Variants in MTA3 observed in about 807,000 individuals in gnomAD.
MTA3 encodes the protein metastasis associated 1 family member 3, also known as metastasis-associated protein MTA3.
MTA3 carries 34 observed loss-of-function variants against 83.5 expected under a neutral mutation model. That is an observed-to-expected ratio of 0.41 (90% CI 0.31 to 0.54). The LOEUF (loss-of-function observed/expected upper bound fraction) is 0.54, where lower values mean the gene tolerates loss of function less well. Ranked by LOEUF, MTA3 falls within the 20% of genes least tolerant of loss-of-function variation. MTA3 has a pLI of 0.33. For synonymous variants in MTA3, 303 were observed against 252.7 expected (o/e 1.20, Z -1.89); for missense variants, 761 against 726.4 (o/e 1.05, Z -0.55).
chr2:42,532,441 C>T (rs932945831), intron 2 of MTA3, among the ~76,000 whole-genome samples: 1 of 152,160 alleles, frequency 6.6e-6, no homozygotes, highest in African/African-American at 2.4e-5. Flanking sequence ...ACCCGGAAGG[C>T]AGAGGTTGCA....
At chr2:42,531,812 A>G (rs978563174) in intron 2 of MTA3, among the ~76,000 whole-genome samples, 1 of 150,460 alleles carries the variant, frequency 6.6e-6, no homozygotes, top group African/African-American at 2.5e-5. Flanking sequence ...GCTGGAGTGC[A>G]GTGGCACAAT....
At chr2:42,607,881 A>G (rs113616809) in intron 3 of MTA3, among the ~76,000 whole-genome samples, 4 of 152,232 alleles carry the variant, frequency 2.6e-5, no homozygotes, top group African/African-American at 7.2e-5. Context: ...AACCCGGGAG[A>G]TGGAGGTTGC....
chr2:42,597,921 A>G (rs1333773059), intron 3 of MTA3, among the ~76,000 whole-genome samples: 1 of 151,982 alleles, frequency 6.6e-6, no homozygotes, highest in Non-Finnish European at 1.5e-5. Context: ...GGGTGAAGCG[A>G]TCTGCCCACT....
At chr2:42,722,849 T>C (rs1667524453) in intron 15 of MTA3, 40 bp from the exon 16 acceptor site, 2 of 1,546,730 alleles carry the variant, frequency 1.3e-6, no homozygotes, top group Non-Finnish European at 1.7e-6. Context: ...AGATTTTTAA[T>C]ATCATGTTCT....
chr2:42,753,370 C>G lies in MTA3; in HGVS notation c.1760-4C>G, dbSNP rs565912880. 1 of 1,550,614 alleles carries G rather than the reference C, an allele frequency of 6.4e-7. No homozygotes were observed. The highest frequency in any genetic ancestry group is 2.4e-5 in the East Asian group (1 of 40,922). On this transcript the variant is annotated splice_region_variant and splice_polypyrimidine_tract_variant and intron_variant, in intron 16 of 16. Coordinates refer to ENST00000405094, the MANE Select transcript of MTA3 (RefSeq NM_001330442.2). ...ACCTTCACACTGTTACTTCCCTTTTCTAGAACTCACGTGCTGTGTGTCAGA... is the reference window on the plus strand; with the variant it reads ...ACCTTCACACTGTTACTTCCCTTTTGTAGAACTCACGTGCTGTGTGTCAGA...
intron 3 of MTA3, among the ~76,000 whole-genome samples, chr2:42,607,884 G>A (rs1171214691): frequency 6.6e-6 from 1 of 152,212 alleles, no homozygotes; most frequent in Non-Finnish European, 1.5e-5. Flanking sequence ...CCGGGAGATG[G>A]AGGTTGCAGT....
chr2:42,604,837 C>T (rs1425360181), intron 3 of MTA3, among the ~76,000 whole-genome samples: 5 of 149,022 alleles, frequency 3.4e-5, no homozygotes, highest in South Asian at 4.4e-4. Flanking sequence ...CATATTGCAC[C>T]GCCCTTAATC....
intron 2 of MTA3, among the ~76,000 whole-genome samples, chr2:42,528,489 G>A (rs1163581430): frequency 2.0e-5 from 3 of 152,194 alleles, no homozygotes; most frequent in African/African-American, 7.2e-5. Context: ...CAAAGTGCTG[G>A]GATTACAGGC....
At chr2:42,691,470 A>G (rs1189897859) in intron 9 of MTA3, among the ~76,000 whole-genome samples, 1 of 152,092 alleles carries the variant, frequency 6.6e-6, no homozygotes, top group African/African-American at 2.4e-5. Context: ...GTCTTATTGT[A>G]CTATGTTTTG....
At chr2:42,565,036 A>G (rs913371080), upstream of MTA3, among the ~76,000 whole-genome samples, 14 of 152,106 alleles carry the variant, frequency 9.2e-5, no homozygotes, top group East Asian at 2.3e-3. Flanking sequence ...TCGGCCTCCC[A>G]AAGTGCTGGG....
At chr2:42,604,680 A>T (rs1420531543) in intron 3 of MTA3, among the ~76,000 whole-genome samples, 28 of 134,122 alleles carry the variant, frequency 2.1e-4, no homozygotes, top group African/African-American at 8.0e-4. Flanking sequence ...AGGTCAGCAG[A>T]TAAGCAAGTG....
chr2:42,731,298 T>C (rs1170410806), intron 16 of MTA3, among the ~76,000 whole-genome samples: 1 of 152,240 alleles, frequency 6.6e-6, no homozygotes, highest in Non-Finnish European at 1.5e-5. Flanking sequence ...GATTAGGTTA[T>C]ATGAAGTATT....
chr2:42,514,678 GC>G (rs1490413701), intron 2 of MTA3, among the ~76,000 whole-genome samples: 4 of 48,994 alleles, frequency 8.2e-5, no homozygotes, highest in Non-Finnish European at 7.8e-5. Context: ...TGAGCGCCCA[GC>G]CCCTTTTTTT....
intron 4 of MTA3, among the ~76,000 whole-genome samples, chr2:42,627,883 CTTTTG>C (rs200032745): frequency 4.0e-5 from 6 of 151,046 alleles, no homozygotes; most frequent in Non-Finnish European, 7.4e-5. Flanking sequence ...CTGCCAGGTT[CTTTTG>C]TTTTGTTTTG....
At chr2:42,594,723 TA>T (rs1267400804) in intron 3 of MTA3, among the ~76,000 whole-genome samples, 822 of 42,018 alleles carry the variant, frequency 0.02, 40 homozygotes, top group African/African-American at 0.13. Context: ...TATATATATA[TA>T]TATATTTTTT....
intron 8 of MTA3, among the ~76,000 whole-genome samples, chr2:42,661,293 G>A (rs2104376659): frequency 6.6e-6 from 1 of 152,142 alleles, no homozygotes; most frequent in African/African-American, 2.4e-5. Flanking sequence ...GAGCTCAGGA[G>A]TTTGATACCA....
chr2:42,605,372 C>T (rs1222607547), intron 3 of MTA3, among the ~76,000 whole-genome samples: 3 of 28,048 alleles, frequency 1.1e-4, no homozygotes, highest in Non-Finnish European at 1.8e-4. Context: ...CCGGACGGGG[C>T]GGCTGGCCGG....
intron 8 of MTA3, among the ~76,000 whole-genome samples, chr2:42,661,129 C>G (rs1419434431): frequency 1.3e-5 from 2 of 152,088 alleles, no homozygotes; most frequent in Non-Finnish European, 2.9e-5. Context: ...AATATTTTAC[C>G]CCAAATTTTA....
intron 3 of MTA3, chr2:42,581,757 GTATTT>G (rs1160550513): frequency 1.4e-5 from 4 of 290,028 alleles, no homozygotes; most frequent in South Asian, 5.9e-5. Context: ...ATTTTAAAAA[GTATTT>G]TATTTTATTT....
Sources: gnomAD v4.1 joint callset for allele counts (sites outside exome capture counted in the v4.1 genomes callset) on GRCh38, gnomAD v4.1.1 for gene constraint, MANE v1.5 for transcripts, NCBI Gene and HGNC (gene_info 2026-07-23, HGNC 2026-07-21) for gene names.